MAST4: variants seen among roughly 807,000 people sequenced by gnomAD.
MAST4 encodes the protein microtubule-associated serine/threonine-protein kinase 4.
In MAST4, 89 loss-of-function variants were observed where a neutral mutation model predicts 162.7. The observed-to-expected ratio is 0.55, with a 90% CI of 0.46 to 0.65. The LOEUF (loss-of-function observed/expected upper bound fraction) is 0.65, where lower values mean the gene tolerates loss of function less well. MAST4 is among the 30% of genes least tolerant of loss of function. MAST4 has a pLI of 0.00. For missense variants in MAST4, 3,153 were observed against 3,374.0 expected, an observed-to-expected ratio of 0.93 and a Z score of 1.62; for synonymous variants, 1,479 against 1,361.1, an observed-to-expected ratio of 1.09 and a Z score of -1.91.
intron 5 of MAST4, among the ~76,000 whole-genome samples, chr5:67,064,456 G>A (rs1759992436): frequency 1.3e-5 from 2 of 152,212 alleles, no homozygotes; most frequent in South Asian, 2.1e-4. Flanking sequence ...AATGCAGCAT[G>A]TGCCCTAATG....
intron 1 of MAST4, among the ~76,000 whole-genome samples, chr5:66,618,117 G>A (rs923887379): frequency 2.6e-5 from 4 of 152,086 alleles, no homozygotes; most frequent in African/African-American, 7.2e-5. Flanking sequence ...TAGGAGCACC[G>A]GCCTCCCGCC....
chr5:66,723,730 C>G (rs558629527), intron 1 of MAST4, among the ~76,000 whole-genome samples: 11 of 152,022 alleles, frequency 7.2e-5, no homozygotes, highest in Non-Finnish European at 1.2e-4. Flanking sequence ...GTAGATTGTT[C>G]CTTTTTACTT....
intron 4 of MAST4, among the ~76,000 whole-genome samples, chr5:66,962,233 T>C (rs887820738): frequency 1.3e-5 from 2 of 152,296 alleles, no homozygotes; most frequent in East Asian, 1.9e-4. Flanking sequence ...GAAAACATGA[T>C]ACAGTGTAGA....
intron 3 of MAST4, among the ~76,000 whole-genome samples, chr5:66,884,630 G>A (rs1184305561): frequency 6.6e-6 from 1 of 152,180 alleles, no homozygotes; most frequent in Non-Finnish European, 1.5e-5. Flanking sequence ...GTAATACTCT[G>A]CTACTGTAGG....
At chr5:66,874,575 A>G (rs1231441696) in intron 3 of MAST4, among the ~76,000 whole-genome samples, 1 of 152,184 alleles carries the variant, frequency 6.6e-6, no homozygotes, top group Non-Finnish European at 1.5e-5. Context: ...AAAACCCGAA[A>G]GTGTTGTAAC....
At chr5:67,019,365 G>C (rs1488159474) in intron 4 of MAST4, among the ~76,000 whole-genome samples, 2 of 152,162 alleles carry the variant, frequency 1.3e-5, no homozygotes, top group African/African-American at 4.8e-5. Flanking sequence ...TTCTCCAACT[G>C]TATTTGGATC....
chr5:67,163,891 A>G lies in MAST4; in HGVS notation c.4712A>G (p.Glu1571Gly). ...AACTTTGCTCTGTTTAAGCTGGAAG[A>G]GAGAGAGAAGAAAGTCTATCCGAAG... ...LENFALFKLE[E>G]REKKVYPKAV... The change falls in exon 29 of 29, where the codon GAG becomes GGG. Residue 1571 changes from glutamate (E) to glycine (G), a missense_variant. Coordinates refer to ENST00000403625, the MANE Select transcript of MAST4 (RefSeq NM_001164664.2). This position sits in a 1 kb window ranked among gnomAD's most constrained non-coding sequence, Gnocchi z 7.0. 1.9e-6 allele frequency: 3 copies of G among 1,614,018 alleles called. No homozygotes were observed. Among genetic ancestry groups the G allele is most frequent in the African/African-American group, 2.7e-5 (2 of 75,062 alleles).
At chr5:67,135,561 C>A (rs1769505903) in intron 18 of MAST4, among the ~76,000 whole-genome samples, 1 of 152,184 alleles carries the variant, frequency 6.6e-6, no homozygotes, top group Non-Finnish European at 1.5e-5. Context: ...TCTTTTCTAT[C>A]TTTGATTTTG....
chr5:67,069,058 C>T (rs1760584616), intron 5 of MAST4, among the ~76,000 whole-genome samples: 1 of 151,912 alleles, frequency 6.6e-6, no homozygotes, highest in Non-Finnish European at 1.5e-5. Flanking sequence ...GTCCCCAAAG[C>T]ATGAGCATTC....
intron 3 of MAST4, among the ~76,000 whole-genome samples, chr5:66,828,228 G>A (rs1757368309): frequency 6.6e-6 from 1 of 152,140 alleles, no homozygotes; most frequent in South Asian, 2.1e-4. Context: ...GAGGTGTAAA[G>A]GGTTTGGTGG....
intron 2 of MAST4, among the ~76,000 whole-genome samples, chr5:66,775,033 G>GTGTA: frequency 9.2e-6 from 1 of 109,210 alleles, no homozygotes; most frequent in South Asian, 3.3e-4. Context: ...GTGTGTGTGT[G>GTGTA]TGTATGTGTG....
intron 1 of MAST4, among the ~76,000 whole-genome samples, chr5:66,686,394 A>T (rs779857621): frequency 5.3e-5 from 8 of 152,208 alleles, no homozygotes; most frequent in Non-Finnish European, 7.3e-5. Context: ...TTTACAGAAA[A>T]GCCTTTCTGA....
At chr5:66,779,075 G>A (rs1479498883) in intron 2 of MAST4, among the ~76,000 whole-genome samples, 2 of 152,206 alleles carry the variant, frequency 1.3e-5, no homozygotes, top group African/African-American at 2.4e-5. Context: ...TAGCAATGTT[G>A]TGTTGGCATT....
At chr5:66,976,682 G>A (rs751621351) in intron 4 of MAST4, among the ~76,000 whole-genome samples, 4 of 152,188 alleles carry the variant, frequency 2.6e-5, no homozygotes, top group Non-Finnish European at 5.9e-5. Flanking sequence ...CATTCAGGAG[G>A]GAGATCTGGA....
intron 1 of MAST4, among the ~76,000 whole-genome samples, chr5:66,622,016 A>G (rs1288843123): frequency 2.0e-5 from 3 of 152,176 alleles, no homozygotes; most frequent in Non-Finnish European, 4.4e-5. Context: ...TTACAGAATC[A>G]TGCAGCGGGC....
At chr5:67,112,728 G>C (rs1260795626) in intron 11 of MAST4, among the ~76,000 whole-genome samples, 3 of 152,188 alleles carry the variant, frequency 2.0e-5, no homozygotes, top group Non-Finnish European at 4.4e-5. Context: ...CAGCTATCCA[G>C]AAGCTCCCCA....
chr5:66,806,067 A>T (rs975618213), intron 3 of MAST4, among the ~76,000 whole-genome samples: 2 of 152,208 alleles, frequency 1.3e-5, no homozygotes, highest in African/African-American at 4.8e-5. Flanking sequence ...CGAAACATTA[A>T]TGACTGCACC....
chr5:66,793,457 G>A (rs944136264), intron 3 of MAST4, among the ~76,000 whole-genome samples: 3 of 152,144 alleles, frequency 2.0e-5, no homozygotes, highest in Admixed American at 1.3e-4. Flanking sequence ...AGTCATAGTC[G>A]TCAAAAGCCA....
intron 8 of MAST4, among the ~76,000 whole-genome samples, chr5:67,100,933 G>C (rs1764954033): frequency 6.6e-6 from 1 of 152,162 alleles, no homozygotes; most frequent in Admixed American, 6.5e-5. Context: ...GAAATAGAAG[G>C]ACAACAAGAA....
Sources: allele counts gnomAD v4.1 joint callset (sites outside exome capture counted in the v4.1 genomes callset), GRCh38; gene constraint gnomAD v4.1.1; non-coding constraint Gnocchi (gnomAD v3.1); transcripts MANE v1.5; gene names NCBI Gene and HGNC (gene_info 2026-07-23, HGNC 2026-07-21).